The following CCDC126 variants were observed in gnomAD, a reference collection of about 807,000 sequenced individuals.
The protein encoded by CCDC126 is coiled-coil domain-containing protein 126.
In CCDC126, 5 loss-of-function variants were observed where a neutral mutation model predicts 11.7. The ratio of observed to expected loss-of-function variants is 0.43; its 90% confidence interval spans 0.22 to 0.90. The LOEUF is 0.90. CCDC126 is among the 40% of genes least tolerant of loss of function. The pLI is 0.27. For synonymous variants in CCDC126, 60 were observed against 61.9 expected (o/e 0.97, Z 0.14); for missense variants, 150 against 163.1 (o/e 0.92, Z 0.44).
At chr7:23,628,010 T>A (rs894551409) in intron 3 of CCDC126, among the ~76,000 whole-genome samples, 6 of 152,192 alleles carry the variant, frequency 3.9e-5, no homozygotes, top group African/African-American at 1.2e-4. Flanking sequence ...AGATTAAAAT[T>A]TCTTTAATTC....
chr7:23,599,511 T>G (rs866968126), intron 2 of CCDC126, among the ~76,000 whole-genome samples: 11 of 151,916 alleles, frequency 7.2e-5, no homozygotes, highest in Middle Eastern at 3.4e-3. Flanking sequence ...TTTTGTTGTT[T>G]TTTTTTTTTG....
chr7:23,612,492 A>AAG (rs1782732741), intron 3 of CCDC126, among the ~76,000 whole-genome samples: 1 of 149,056 alleles, frequency 6.7e-6, no homozygotes, highest in Non-Finnish European at 1.5e-5. Flanking sequence ...AAAAAAAAAA[A>AAG]AAAAAAAAAC....
rs1199557685 is a variant in CCDC126, at chr7:23,619,481, A to C, written c.238+7928A>C. Reference sequence around the variant, plus strand: ...GCATTAAAGGAAAGAGAAGTTCCCCAACACCCTTCCTGCCTATTTTTCCAA... The same window carrying C: ...GCATTAAAGGAAAGAGAAGTTCCCCCACACCCTTCCTGCCTATTTTTCCAA... On this transcript the variant is annotated intron_variant, in intron 3 of 3. Transcript: ENST00000307471. 7.8e-6 allele frequency: 3 copies of C among 383,952 alleles called. No individual in the cohort carries two copies. The Admixed American group carries it at 9.1e-5, about 12-fold the overall frequency. The allele number at this position is 383,952 out of a possible 1,614,324, so 23.8% of individuals were successfully genotyped here.
intron 3 of CCDC126, among the ~76,000 whole-genome samples, chr7:23,628,340 A>C (rs1783048900): frequency 6.6e-6 from 1 of 152,232 alleles, no homozygotes; most frequent in Admixed American, 6.5e-5. Context: ...TGTATTTCAG[A>C]GTTGGAGCTG....
At chr7:23,612,974 A>C (rs1046780919) in intron 3 of CCDC126, among the ~76,000 whole-genome samples, 1 of 152,208 alleles carries the variant, frequency 6.6e-6, no homozygotes, top group Non-Finnish European at 1.5e-5. Context: ...ATGTATATAC[A>C]TGAATGTGTG....
At position 23,640,178 on chromosome 7, in the gene CCDC126, G is replaced by A. The variant is rs533766997; in HGVS notation, c.239-2753G>A. On this transcript the variant is annotated intron_variant, in intron 3 of 3. Transcript: ENST00000307471. The stretch of plus-strand genomic sequence containing the variant: ...AGCCTGGGTGACAGAGTGAGACTCC[G>A]TCTCAAAAAAAATAATAATAATAAA... 8.7e-4 allele frequency among the ~76,000 whole-genome samples: 126 copies of A among 145,448 alleles called. No homozygotes were observed. The South Asian group carries it at 0.021, about 24-fold the overall frequency.
intron 2 of CCDC126, among the ~76,000 whole-genome samples, chr7:23,600,375 C>CA (rs1491336956): frequency 8.9e-5 from 5 of 56,134 alleles, no homozygotes; most frequent in African/African-American, 2.6e-4. Context: ...TCTGTGTTAA[C>CA]CCCCCCCCCC....
chr7:23,627,482 G>A (rs1291175491), intron 3 of CCDC126, among the ~76,000 whole-genome samples: 2 of 151,756 alleles, frequency 1.3e-5, no homozygotes, highest in Non-Finnish European at 2.9e-5. Flanking sequence ...CACAAGAATT[G>A]CTTGAACCGA....
chr7:23,610,968 T>G (rs947504459), intron 2 of CCDC126, among the ~76,000 whole-genome samples: 1 of 152,194 alleles, frequency 6.6e-6, no homozygotes, highest in African/African-American at 2.4e-5. Context: ...TTTCAATGAA[T>G]TGACATTTGT....
At chr7:23,628,516 A>G (rs1350112174) in intron 3 of CCDC126, among the ~76,000 whole-genome samples, 1 of 152,246 alleles carries the variant, frequency 6.6e-6, no homozygotes, top group Non-Finnish European at 1.5e-5. Context: ...TTGCTGCACT[A>G]CCAGCTACCT....
At chr7:23,622,873 T>C (rs1410194608) in intron 3 of CCDC126, 5 of 385,696 alleles carry the variant, frequency 1.3e-5, no homozygotes, top group Middle Eastern at 2.0e-3. Context: ...CAATGTTCTC[T>C]TGTTGCGAGT....
Position 23,624,741 on chromosome 7 carries a change from A to G in CCDC126, c.238+13188A>G, listed in dbSNP as rs1782984351. 2.0e-5 allele frequency among the ~76,000 whole-genome samples: 3 copies of G among 152,226 alleles called. No individual in the cohort carries two copies. In the South Asian group the frequency reaches 6.2e-4, roughly 31 times the overall value. ...GAACAAAAATGGCATCGTACTGTAC[A>G]TGTTGGTTTTGCAACTTATTTATTT... On this transcript the variant is annotated intron_variant, in intron 3 of 3. Coordinates refer to ENST00000307471, the MANE Select transcript of CCDC126 (RefSeq NM_138771.4).
At chr7:23,629,791 A>C (rs1783075155) in intron 3 of CCDC126, among the ~76,000 whole-genome samples, 1 of 152,188 alleles carries the variant, frequency 6.6e-6, no homozygotes, top group African/African-American at 2.4e-5. Context: ...AGGGAGAAAA[A>C]CAGACAAAAA....
intron 2 of CCDC126, among the ~76,000 whole-genome samples, chr7:23,610,860 A>G (rs1782699875): frequency 6.6e-6 from 1 of 152,046 alleles, no homozygotes; most frequent in Non-Finnish European, 1.5e-5. Flanking sequence ...GAATAGACTG[A>G]GATCTCCTAT....
chr7:23,611,640 G>C (rs1474853824), intron 3 of CCDC126, 87 bp downstream of exon 3: 1 of 873,526 alleles, frequency 1.1e-6, no homozygotes, highest in Admixed American at 2.4e-5. Flanking sequence ...TCATGCATAG[G>C]TCTTTGCAAA....
At position 23,611,385 on chromosome 7, in the gene CCDC126, A is replaced by G; in HGVS notation, c.70A>G (p.Ile24Val). The change falls in exon 3 of 4, where the codon ATT becomes GTT. Residue 24 changes from isoleucine (I) to valine (V), a missense_variant. Physicochemically the swap from Ile to Val is conservative, Grantham distance 29 (BLOSUM62 3). Coordinates refer to ENST00000307471, the MANE Select transcript of CCDC126 (RefSeq NM_138771.4). ...LSLLLLVFGL[I>V]WGLMLLHYTF... is the part of the protein sequence containing the mutation. The stretch of plus-strand genomic sequence containing the variant: ...TTTACTGTTGCTTGTATTTGGACTC[A>G]TTTGGGGATTGATGTTACTGCACTA... 6.2e-7 allele frequency: 1 copy of G among 1,613,962 alleles called. No individual in the cohort carries two copies. Among genetic ancestry groups the G allele is most frequent in the Non-Finnish European group, 8.5e-7 (1 of 1,179,904 alleles).
chr7:23,637,454 C>T (rs1783252218), intron 3 of CCDC126, among the ~76,000 whole-genome samples: 1 of 94,512 alleles, frequency 1.1e-5, no homozygotes, highest in African/African-American at 4.1e-5. Context: ...CCCCGCCCGG[C>T]CAGCCGCCCC....
intron 3 of CCDC126, among the ~76,000 whole-genome samples, chr7:23,638,726 T>TAAAAAAAAAAAAA (rs1783291366): frequency 2.6e-5 from 1 of 39,208 alleles, no homozygotes; most frequent in Non-Finnish European, 4.7e-5. Flanking sequence ...AAAAAAAAAA[T>TAAAAAAAAAAAAA]TAAAAAAAAA....
At chr7:23,632,293 C>A (rs899764753) in intron 3 of CCDC126, among the ~76,000 whole-genome samples, 2 of 152,128 alleles carry the variant, frequency 1.3e-5, no homozygotes, top group Admixed American at 6.5e-5. Flanking sequence ...CAGGGTTTCA[C>A]CATGTTGGCC....
Sources: gnomAD v4.1 joint callset for allele counts (sites outside exome capture counted in the v4.1 genomes callset) on GRCh38, gnomAD v4.1.1 for gene constraint, MANE v1.5 for transcripts, NCBI Gene and HGNC (gene_info 2026-07-23, HGNC 2026-07-21) for gene names.